The following KDM6A variants were observed in gnomAD, a reference collection of about 807,000 sequenced individuals.
KDM6A encodes the protein lysine-specific demethylase 6A.
KDM6A carries 11 observed loss-of-function variants against 117.6 expected under a neutral mutation model. The ratio of observed to expected loss-of-function variants is 0.09; its 90% confidence interval spans 0.06 to 0.15. The LOEUF (loss-of-function observed/expected upper bound fraction) is 0.15, where lower values mean the gene tolerates loss of function less well. Among genes scored for constraint, KDM6A ranks in the 10% least tolerant of loss-of-function variants. The pLI is 1.00. For synonymous variants in KDM6A, 384 were observed against 396.1 expected, an observed-to-expected ratio of 0.97 and a Z score of 0.36; for missense variants, 799 against 1,077.3, an observed-to-expected ratio of 0.74 and a Z score of 3.62.
chrX:44,921,856 C>T (rs777188051), intron 2 of KDM6A, among the ~76,000 whole-genome samples: 1 of 106,975 alleles, frequency 9.3e-6, no homozygotes, highest in Non-Finnish European at 1.9e-5. Context: ...ATGGTGAGTC[C>T]GTTTTCAGTT....
chrX:45,090,636 G>A (rs2148201096), intron 26 of KDM6A, 87 bp from the exon 27 acceptor site: 1 of 997,384 alleles, frequency 1.0e-6, no homozygotes, highest in Non-Finnish European at 1.4e-6. Flanking sequence ...AATTGATGTT[G>A]AAGATATCAC....
chrX:45,047,691 T>C lies in KDM6A; in HGVS notation c.655-4018T>C, dbSNP rs867188833. Among the ~76,000 whole-genome samples, 49 of 74,119 alleles carry C rather than the reference T, an allele frequency of 6.6e-4. No homozygotes were observed. The South Asian group carries it at 0.012, about 18-fold the overall frequency. The allele number at this position is 74,119 out of a possible 115,157, so 64.4% of individuals were successfully genotyped here. The stretch of plus-strand genomic sequence containing the variant: ...TTTTTTTTCTTTTTTTTTTTTTTTT[T>C]TTTTTTTTTTTTGACAGGATCTGGC... On this transcript the variant is annotated intron_variant, in intron 8 of 29. Coordinates refer to ENST00000611820, the MANE Select transcript of KDM6A (RefSeq NM_001291415.2).
At chrX:44,890,264 T>G (rs1320784753) in intron 2 of KDM6A, among the ~76,000 whole-genome samples, 1 of 112,418 alleles carries the variant, frequency 8.9e-6, no homozygotes, top group African/African-American at 3.2e-5. Flanking sequence ...GTTTGTTCCT[T>G]TTTGATGCAT....
At chrX:44,932,295 G>T (rs1330331195) in intron 2 of KDM6A, among the ~76,000 whole-genome samples, 2 of 106,979 alleles carry the variant, frequency 1.9e-5, no homozygotes, top group African/African-American at 6.8e-5. Flanking sequence ...GTGGTGGGGT[G>T]GGGGGTGGTC....
At chrX:45,051,528 G>A (rs1267725095) in intron 8 of KDM6A, among the ~76,000 whole-genome samples, 181 bp from the exon 9 acceptor site, 1 of 111,848 alleles carries the variant, frequency 8.9e-6, no homozygotes, top group African/African-American at 3.3e-5. Flanking sequence ...AGGTACTCTG[G>A]AACAAGGCTT....
At chrX:45,069,179 A>T (rs1005340548) in intron 17 of KDM6A, among the ~76,000 whole-genome samples, 1 of 112,449 alleles carries the variant, frequency 8.9e-6, no homozygotes, top group Non-Finnish European at 1.9e-5. Context: ...CTCACTTTCT[A>T]TATTAATCTT....
At chrX:44,892,252 A>T (rs942750152) in intron 2 of KDM6A, among the ~76,000 whole-genome samples, 1 of 112,245 alleles carries the variant, frequency 8.9e-6, no homozygotes, top group Non-Finnish European at 1.9e-5. Context: ...GTCTATGTCT[A>T]CATAAAAGCT....
chrX:45,024,140 T>G (rs1226410699), intron 6 of KDM6A, among the ~76,000 whole-genome samples: 2 of 112,335 alleles, frequency 1.8e-5, no homozygotes, highest in Admixed American at 9.4e-5. Context: ...TCTTTTCCTC[T>G]GGATAGATAT....
chrX:44,896,298 C>T (rs947008712), intron 2 of KDM6A, among the ~76,000 whole-genome samples: 4 of 110,356 alleles, frequency 3.6e-5, no homozygotes, highest in South Asian at 3.8e-4. Flanking sequence ...AGGATGGTCA[C>T]GATCTCCTGA....
chrX:44,952,777 G>C (rs1321921289), intron 2 of KDM6A, among the ~76,000 whole-genome samples: 1 of 110,270 alleles, frequency 9.1e-6, no homozygotes, highest in Admixed American at 9.7e-5. Context: ...TTGTTTTGTT[G>C]TTGTTGTTGT....
chrX:44,980,784 C>T (rs1464945729), intron 4 of KDM6A, among the ~76,000 whole-genome samples: 1 of 106,945 alleles, frequency 9.4e-6, no homozygotes, highest in African/African-American at 3.4e-5. Flanking sequence ...TGTGGATGCC[C>T]GTTAGTTTTT....
intron 2 of KDM6A, among the ~76,000 whole-genome samples, chrX:44,937,468 A>G (rs5952275): frequency 0.22 from 24,441 of 111,052 alleles, 4,379 homozygotes; most frequent in African/African-American, 0.61. Context: ...ACTATTTCAA[A>G]CTTTTTCATT....
rs756202597 is a variant in KDM6A, at chrX:45,039,503, A to ATTTT, written c.654+1837_654+1840dup. On this transcript the variant is annotated intron_variant, in intron 8 of 29. Transcript: ENST00000611820. ...CCTCCTCCCATTGATTCATTTGATAATTTTTTTTTTTTTTTTTTTTTTTTT... is the reference window on the plus strand; with the variant it reads ...CCTCCTCCCATTGATTCATTTGATAATTTTTTTTTTTTTTTTTTTTTTTTTTTTT... Among the ~76,000 whole-genome samples, 44 of 61,248 alleles carry ATTTT rather than the reference A, an allele frequency of 7.2e-4. 1 individual carries two copies. The highest frequency in any genetic ancestry group is 2.3e-3 in the South Asian group (2 of 859). 53.2% of individuals were successfully genotyped at this position (61,248 alleles called of 115,157 possible). A position where few individuals can be genotyped will look rare whatever the true frequency, so the allele number is the denominator to read the frequency against.
chrX:45,084,560 T>A (rs2045566789), intron 24 of KDM6A, among the ~76,000 whole-genome samples: 1 of 111,798 alleles, frequency 8.9e-6, no homozygotes, highest in Non-Finnish European at 1.9e-5. Flanking sequence ...CTATGCTTGC[T>A]TCTGGGTAAA....
chrX:44,910,991 C>T (rs995144135), intron 2 of KDM6A, among the ~76,000 whole-genome samples: 1 of 112,703 alleles, frequency 8.9e-6, no homozygotes, highest in Admixed American at 9.3e-5. Flanking sequence ...TCATCATGGC[C>T]CGTTCTCAAT....
At chrX:44,994,176 A>G (rs747838690) in intron 4 of KDM6A, among the ~76,000 whole-genome samples, 8 of 112,173 alleles carry the variant, frequency 7.1e-5, no homozygotes, top group Admixed American at 5.7e-4. Context: ...ATGCTCTGCA[A>G]TTGATCACTA....
At chrX:44,959,467 G>A (rs2038550678) in intron 2 of KDM6A, among the ~76,000 whole-genome samples, 2 of 109,963 alleles carry the variant, frequency 1.8e-5, no homozygotes, top group African/African-American at 6.6e-5. Flanking sequence ...TTGTGTTTAT[G>A]TCTTGAATCC....
intron 19 of KDM6A, among the ~76,000 whole-genome samples, chrX:45,077,136 C>G (rs1402492569): frequency 9.1e-6 from 1 of 109,986 alleles, no homozygotes; most frequent in Non-Finnish European, 1.9e-5. Flanking sequence ...GGTTTTAAAT[C>G]CACATTCTAC....
At chrX:45,001,902 C>T (rs1162675173) in intron 4 of KDM6A, among the ~76,000 whole-genome samples, 1 of 110,708 alleles carries the variant, frequency 9.0e-6, no homozygotes, top group African/African-American at 3.3e-5. Context: ...TCCTTCTTTC[C>T]ACCCTTTGAT....
Sources: gnomAD v4.1 joint callset for allele counts (sites outside exome capture counted in the v4.1 genomes callset) on GRCh38, gnomAD v4.1.1 for gene constraint, MANE v1.5 for transcripts, NCBI Gene and HGNC (gene_info 2026-07-23, HGNC 2026-07-21) for gene names.